Variants in CALCR observed in about 807,000 individuals in gnomAD.
CALCR encodes calcitonin receptor.
A neutral mutation model predicts 59.5 loss-of-function variants in CALCR; 47 were observed. The observed-to-expected ratio is 0.79, with a 90% CI of 0.63 to 1.01. The LOEUF is 1.01. Ranked by LOEUF, CALCR falls within the 50% of genes least tolerant of loss-of-function variation. The probability of loss-of-function intolerance (pLI) is 0.00; values close to 1 mark genes in which losing one functional copy is unlikely to be tolerated. For missense variants in CALCR, 566 were observed against 597.1 expected, an observed-to-expected ratio of 0.95 and a Z score of 0.54; for synonymous variants, 213 against 211.3, an observed-to-expected ratio of 1.01 and a Z score of -0.07.
chr7:93,541,530 C>T (rs1265584329), intron 2 of CALCR, among the ~76,000 whole-genome samples: 1 of 152,072 alleles, frequency 6.6e-6, no homozygotes, highest in East Asian at 1.9e-4. Context: ...GATACATTCA[C>T]TTCTATATTT....
At chr7:93,572,978 A>G (rs1167967010) in intron 2 of CALCR, among the ~76,000 whole-genome samples, 1 of 152,184 alleles carries the variant, frequency 6.6e-6, no homozygotes, top group Non-Finnish European at 1.5e-5. Flanking sequence ...GAACCAGAAC[A>G]AATCCTGGCT....
intron 2 of CALCR, among the ~76,000 whole-genome samples, chr7:93,505,734 C>CA (rs140422778): frequency 0.01 from 1,567 of 152,184 alleles, 15 homozygotes; most frequent in Non-Finnish European, 0.016. Context: ...AAATAGGAGG[C>CA]AAAATCACGC....
intron 5 of CALCR, among the ~76,000 whole-genome samples, chr7:93,475,039 G>C (rs12669432): frequency 0.4 from 61,000 of 151,346 alleles, 12,994 homozygotes; most frequent in South Asian, 0.49. Context: ...TTTTCTATTA[G>C]TAGTTTTGGT....
intron 2 of CALCR, among the ~76,000 whole-genome samples, chr7:93,543,528 C>T (rs534622322): frequency 2.6e-5 from 4 of 152,204 alleles, no homozygotes; most frequent in African/African-American, 7.2e-5. Context: ...AGTAAGGCTA[C>T]GATGTGAGCA....
rs1245088387 is a variant in CALCR, at chr7:93,477,619, T to C, written c.255A>G (p.Thr85=). ...ACTGATAGGACAATACTCCAGCCGGTGTGTCATCCCAGCACAGCCATCCAT... is the reference window on the plus strand; with the variant it reads ...ACTGATAGGACAATACTCCAGCCGGCGTGTCATCCCAGCACAGCCATCCAT... ...TWDGWLCWDD[T]PAGVLSYQFC... The change falls in exon 5 of 14, where the codon ACA becomes ACG. Residue 85 remains threonine (T), a synonymous_variant. Coordinates refer to ENST00000426151, the MANE Select transcript of CALCR (RefSeq NM_001742.4). 6.2e-7 allele frequency: 1 copy of C among 1,611,592 alleles called. No homozygotes were observed. Among genetic ancestry groups the C allele is most frequent in the South Asian group, 1.1e-5 (1 of 91,008 alleles).
intron 2 of CALCR, among the ~76,000 whole-genome samples, chr7:93,499,496 C>T (rs12704670): frequency 0.072 from 10,889 of 151,676 alleles, 496 homozygotes; most frequent in Non-Finnish European, 0.098. Flanking sequence ...AATGGATGGC[C>T]ACGTCTGGGT....
intron 13 of CALCR, among the ~76,000 whole-genome samples, 166 bp from the exon 14 acceptor site, chr7:93,426,755 G>C (rs1799539977): frequency 2.0e-5 from 3 of 152,184 alleles, no homozygotes; most frequent in Admixed American, 2.0e-4. Context: ...ATATCAACTT[G>C]GAAGAAGAAT....
At chr7:93,521,640 A>T (rs1259219795) in intron 2 of CALCR, among the ~76,000 whole-genome samples, 1 of 151,986 alleles carries the variant, frequency 6.6e-6, no homozygotes, top group Non-Finnish European at 1.5e-5. Context: ...TAGCCACATA[A>T]TTCCAAACCA....
intron 2 of CALCR, chr7:93,559,446 C>A (rs1789690431): frequency 6.6e-6 from 1 of 152,020 alleles, no homozygotes; most frequent in Non-Finnish European, 1.5e-5. Flanking sequence ...AGACCTTTGC[C>A]CTTTTGTGGC....
chr7:93,573,774 T>A (rs576385984), intron 2 of CALCR, among the ~76,000 whole-genome samples: 27 of 152,356 alleles, frequency 1.8e-4, no homozygotes, highest in Admixed American at 3.9e-4. Flanking sequence ...GTGTGAAGAA[T>A]GGCTGCTATG....
intron 2 of CALCR, among the ~76,000 whole-genome samples, chr7:93,550,528 G>T (rs1789422431): frequency 7.6e-6 from 1 of 131,094 alleles, no homozygotes; most frequent in Non-Finnish European, 1.6e-5. Flanking sequence ...TTGTCAATTT[G>T]GTCAATGTTG....
chr7:93,524,364 G>A (rs1273182385), intron 2 of CALCR, among the ~76,000 whole-genome samples: 1 of 151,808 alleles, frequency 6.6e-6, no homozygotes, highest in East Asian at 1.9e-4. Context: ...TAGAGACGCG[G>A]TTTCACCGTG....
At chr7:93,528,326 G>A (rs1467615997) in intron 2 of CALCR, among the ~76,000 whole-genome samples, 1 of 152,220 alleles carries the variant, frequency 6.6e-6, no homozygotes, top group Non-Finnish European at 1.5e-5. Context: ...TGTGCACAAC[G>A]TGCAGGTTTG....
At chr7:93,525,072 T>C (rs1330834848) in intron 2 of CALCR, among the ~76,000 whole-genome samples, 2 of 152,188 alleles carry the variant, frequency 1.3e-5, no homozygotes, top group Non-Finnish European at 2.9e-5. Flanking sequence ...GAAAGTCTTA[T>C]GATCAAAAAC....
chr7:93,548,776 T>C (rs907997263), intron 2 of CALCR, among the ~76,000 whole-genome samples: 1 of 151,526 alleles, frequency 6.6e-6, no homozygotes, highest in African/African-American at 2.4e-5. Flanking sequence ...GAATTCATAA[T>C]GTAGTTATGT....
intron 2 of CALCR, among the ~76,000 whole-genome samples, chr7:93,542,155 T>C (rs1789160473): frequency 6.6e-6 from 1 of 152,198 alleles, no homozygotes; most frequent in South Asian, 2.1e-4. Context: ...AAACGCATCC[T>C]TGGGCGATTT....
chr7:93,505,893 A>C (rs1422356688), intron 2 of CALCR, among the ~76,000 whole-genome samples: 1 of 152,150 alleles, frequency 6.6e-6, no homozygotes, highest in African/African-American at 2.4e-5. Context: ...ACAAGGTGCC[A>C]GCTAGGCAAA....
At chr7:93,520,686 T>C (rs1801743961) in intron 2 of CALCR, among the ~76,000 whole-genome samples, 1 of 152,152 alleles carries the variant, frequency 6.6e-6, no homozygotes, top group African/African-American at 2.4e-5. Flanking sequence ...CAGCTAACTA[T>C]AGCTACAAAT....
intron 2 of CALCR, among the ~76,000 whole-genome samples, chr7:93,487,467 A>C (rs1800970845): frequency 1.3e-5 from 2 of 151,454 alleles, no homozygotes; most frequent in Admixed American, 6.6e-5. Flanking sequence ...AAGTAGCCTT[A>C]TTTAAAGCTT....
Sources: gnomAD v4.1 joint callset for allele counts (sites outside exome capture counted in the v4.1 genomes callset) on GRCh38, gnomAD v4.1.1 for gene constraint, MANE v1.5 for transcripts, NCBI Gene and HGNC (gene_info 2026-07-23, HGNC 2026-07-21) for gene names.